ICA1L: variants seen among roughly 807,000 people sequenced by gnomAD.
ICA1L encodes islet cell autoantigen 1 like.
In ICA1L, 50 loss-of-function variants were observed where a neutral mutation model predicts 61.3. That is an observed-to-expected ratio of 0.82 (90% CI 0.65 to 1.03). The LOEUF is 1.03. Ranked by LOEUF, ICA1L falls within the 50% of genes least tolerant of loss-of-function variation. The pLI is 0.00. For missense variants in ICA1L, 508 were observed against 556.7 expected, an observed-to-expected ratio of 0.91 and a Z score of 0.88; for synonymous variants, 161 against 191.3, an observed-to-expected ratio of 0.84 and a Z score of 1.31.
intron 1 of ICA1L, among the ~76,000 whole-genome samples, chr2:202,854,566 C>T (rs1694721355): frequency 6.6e-6 from 1 of 152,194 alleles, no homozygotes; most frequent in African/African-American, 2.4e-5. Flanking sequence ...CAGAACTCTC[C>T]ACCCCAAATC....
chr2:202,827,641 A>C (rs753629775), intron 2 of ICA1L, among the ~76,000 whole-genome samples: 5 of 152,186 alleles, frequency 3.3e-5, no homozygotes, highest in Non-Finnish European at 7.3e-5. Flanking sequence ...AACAATACCA[A>C]AACCTTATAT....
At position 202,775,086 on chromosome 2, in the gene ICA1L, G is replaced by A. The variant is rs1299109668; in HGVS notation, c.*4447C>T. 6.6e-6 allele frequency: 1 copy of A among 152,218 alleles called. No individual in the cohort carries two copies. Among genetic ancestry groups the A allele is most frequent in the East Asian group, 1.9e-4 (1 of 5,200 alleles). The allele number at this position is 152,218 out of a possible 1,614,324, so 9.4% of individuals were successfully genotyped here. ...TAGCTTATGTTGGGCTTCTGGATGTGACCCATCTTTACCAACCATTTTTCT... is the reference window on the plus strand; with the variant it reads ...TAGCTTATGTTGGGCTTCTGGATGTAACCCATCTTTACCAACCATTTTTCT... On this transcript the variant is annotated 3_prime_UTR_variant, in exon 13 of 13. Coordinates refer to ENST00000358299, the MANE Select transcript of ICA1L (RefSeq NM_001288622.3).
chr2:202,870,134 T>C (rs1011657404), intron 1 of ICA1L, among the ~76,000 whole-genome samples: 2 of 152,096 alleles, frequency 1.3e-5, no homozygotes, highest in African/African-American at 4.8e-5. Flanking sequence ...AATCACACAA[T>C]GAAATCACCA....
intron 1 of ICA1L, among the ~76,000 whole-genome samples, chr2:202,842,294 C>T (rs1417239416): frequency 6.6e-6 from 1 of 152,184 alleles, no homozygotes; most frequent in African/African-American, 2.4e-5. Context: ...CATTAGCATC[C>T]TTTCCTCTCA....
chr2:202,817,230 C>A (rs1693562463), intron 6 of ICA1L, among the ~76,000 whole-genome samples, 188 bp downstream of exon 6: 1 of 152,198 alleles, frequency 6.6e-6, no homozygotes, highest in African/African-American at 2.4e-5. Flanking sequence ...AAGAGAAGAG[C>A]TACAGAAGTA....
At chr2:202,796,084 A>G (rs1349736999) in intron 10 of ICA1L, among the ~76,000 whole-genome samples, 1 of 152,066 alleles carries the variant, frequency 6.6e-6, no homozygotes, top group Non-Finnish European at 1.5e-5. Context: ...GGGGAAAAAA[A>G]AAAGGTAACG....
intron 10 of ICA1L, among the ~76,000 whole-genome samples, chr2:202,793,195 T>C (rs1692808308): frequency 6.6e-6 from 1 of 151,960 alleles, no homozygotes; most frequent in Admixed American, 6.5e-5. Context: ...CTATTGCAAA[T>C]AAATTTAAAA....
At chr2:202,843,149 G>A (rs1173350690) in intron 1 of ICA1L, among the ~76,000 whole-genome samples, 1 of 152,168 alleles carries the variant, frequency 6.6e-6, no homozygotes, top group African/African-American at 2.4e-5. Context: ...TTTGGGGTCA[G>A]CTACTGGGAG....
intron 5 of ICA1L, among the ~76,000 whole-genome samples, 179 bp from the exon 6 acceptor site, chr2:202,817,722 CTGTTAG>C (rs1453918444): frequency 6.6e-6 from 1 of 152,016 alleles, no homozygotes; most frequent in Non-Finnish European, 1.5e-5. Flanking sequence ...GATTTTGCTA[CTGTTAG>C]TAATTGTAGG....
intron 8 of ICA1L, 39 bp from the exon 9 acceptor site, chr2:202,811,828 T>C (rs779596984): frequency 6.3e-6 from 9 of 1,430,264 alleles, no homozygotes; most frequent in African/African-American, 4.3e-5. Context: ...TTTTTTGTTA[T>C]AATACACTTG....
chr2:202,808,150 G>A (rs1352761819), intron 9 of ICA1L, among the ~76,000 whole-genome samples: 1 of 152,174 alleles, frequency 6.6e-6, no homozygotes, highest in African/African-American at 2.4e-5. Flanking sequence ...CCACAGTGGG[G>A]TAGAGAACCA....
chr2:202,796,915 T>G lies in ICA1L; in HGVS notation c.960A>C (p.Ala320=), dbSNP rs148327989. ...EKHSQMREFG[A]PQFSNSENVA... is the part of the protein sequence containing the mutation. ...CATTTTCAGAGTTAGAAAACTGAGGTGCTCCAAATTCTCTCATTTGAGAAT... is the reference window on the plus strand; with the variant it reads ...CATTTTCAGAGTTAGAAAACTGAGGGGCTCCAAATTCTCTCATTTGAGAAT... Residue 320 remains alanine (A), a synonymous_variant, in exon 10 of 13, where the codon GCA becomes GCC. Coordinates refer to ENST00000358299, the MANE Select transcript of ICA1L (RefSeq NM_001288622.3). 4.9e-4 allele frequency: 784 copies of G among 1,600,722 alleles called. 5 individuals are homozygous for G. The African/African-American group carries it at 9.0e-3, about 18-fold the overall frequency.
rs1385785425 is a variant in ICA1L, at chr2:202,775,724, G to A, written c.*3809C>T. On this transcript the variant is annotated 3_prime_UTR_variant, in exon 13 of 13. Coordinates refer to ENST00000358299, the MANE Select transcript of ICA1L (RefSeq NM_001288622.3). ...CATAGAGATGGGGTTTCACCATGTTGGCCAGGGTGGTCTCAAACTCCCAAC... is the reference window on the plus strand; with the variant it reads ...CATAGAGATGGGGTTTCACCATGTTAGCCAGGGTGGTCTCAAACTCCCAAC... 6.6e-6 allele frequency: 1 copy of A among 152,196 alleles called. No individual in the cohort carries two copies. Among genetic ancestry groups the A allele is most frequent in the Admixed American group, 6.5e-5 (1 of 15,282 alleles). 9.4% of individuals were successfully genotyped at this position (152,196 alleles called of 1,614,324 possible).
intron 12 of ICA1L, among the ~76,000 whole-genome samples, chr2:202,782,421 T>C (rs1692438809): frequency 6.6e-6 from 1 of 152,086 alleles, no homozygotes. Context: ...TGGTTTTTTT[T>C]TTTTGAGATG....
intron 3 of ICA1L, among the ~76,000 whole-genome samples, chr2:202,824,734 T>C (rs1437433703): frequency 6.6e-6 from 1 of 152,078 alleles, no homozygotes; most frequent in Non-Finnish European, 1.5e-5. Context: ...GAGGTAGCCA[T>C]GTCCAGCAGG....
intron 1 of ICA1L, among the ~76,000 whole-genome samples, chr2:202,832,494 C>T (rs1398043065): frequency 6.7e-6 from 1 of 148,908 alleles, no homozygotes; most frequent in Non-Finnish European, 1.5e-5. Flanking sequence ...AATTATTAAA[C>T]CAACTATTAT....
intron 9 of ICA1L, among the ~76,000 whole-genome samples, chr2:202,806,380 G>A (rs1209237421): frequency 6.6e-6 from 1 of 152,140 alleles, no homozygotes; most frequent in Non-Finnish European, 1.5e-5. Flanking sequence ...TAAAGGGAAG[G>A]ACCCAGTCCT....
intron 1 of ICA1L, among the ~76,000 whole-genome samples, chr2:202,848,191 G>T (rs958002790): frequency 1.8e-4 from 28 of 152,266 alleles, no homozygotes; most frequent in African/African-American, 6.7e-4. Flanking sequence ...TCGAACTCCT[G>T]ACCTCAGGTG....
At chr2:202,863,676 A>T (rs2105891357) in intron 1 of ICA1L, among the ~76,000 whole-genome samples, 1 of 151,952 alleles carries the variant, frequency 6.6e-6, no homozygotes, top group East Asian at 1.9e-4. Context: ...AATTACAAAA[A>T]ATCAGCCCGG....
Sources: allele counts gnomAD v4.1 joint callset (sites outside exome capture counted in the v4.1 genomes callset), GRCh38; gene constraint gnomAD v4.1.1; transcripts MANE v1.5; gene names NCBI Gene and HGNC (gene_info 2026-07-23, HGNC 2026-07-21).